Variants in KIF21A observed in about 807,000 individuals in gnomAD.
The protein encoded by KIF21A is kinesin family member 21A.
A neutral mutation model predicts 202.9 loss-of-function variants in KIF21A; 114 were observed. The ratio of observed to expected loss-of-function variants is 0.56; its 90% CI spans 0.48 to 0.66. KIF21A has a LOEUF of 0.66. Among genes scored for constraint, KIF21A ranks in the 30% least tolerant of loss-of-function variants. KIF21A has a pLI of 0.00. For synonymous variants in KIF21A, 667 were observed against 670.8 expected (o/e 0.99, Z 0.09); for missense variants, 1,677 against 1,994.9 (o/e 0.84, Z 3.04).
chr12:39,441,660 T>TAAAAAAAAAAAAAAAAAAAAAAAAAA lies in KIF21A; in HGVS notation c.44+1266_44+1267insTTTTTTTTTTTTTTTTTTTTTTTTTT, dbSNP rs56245570. ...ATAAAACTGTCACCTCCCTGGGTGG[T>TAAAAAAAAAAAAAAAAAAAAAAAAAA]AAAAAAAAAAAAAAAAAAAACACTT... is the stretch of plus-strand genomic sequence containing the variant. On this transcript the variant is annotated intron_variant, in intron 1 of 37. Transcript: ENST00000361418. 2.0e-3 allele frequency among the ~76,000 whole-genome samples: 75 copies of TAAAAAAAAAAAAAAAAAAAAAAAAAA among 37,758 alleles called. 12 individuals carry two copies. Among genetic ancestry groups the TAAAAAAAAAAAAAAAAAAAAAAAAAA allele is most frequent in the Non-Finnish European group, 2.7e-3 (48 of 17,840 alleles). 24.8% of individuals were successfully genotyped at this position (37,758 alleles called of 152,430 possible). A position where few individuals can be genotyped will look rare whatever the true frequency, so the allele number is the denominator to read the frequency against.
intron 11 of KIF21A, among the ~76,000 whole-genome samples, chr12:39,348,033 T>C (rs1428359739): frequency 6.6e-6 from 1 of 152,058 alleles, no homozygotes. Context: ...ATTTTCAATA[T>C]AGAGACTTTT....
In KIF21A at chr12:39,293,529, C is replaced by T. The variant is rs1942033259; in HGVS notation, c.*895G>A. 6.6e-6 allele frequency: 1 copy of T among 152,472 alleles called. No homozygotes were observed. 9.4% of individuals were successfully genotyped at this position (152,472 alleles called of 1,614,324 possible). Reference sequence around the variant, plus strand: ...CAGATGATAATAGCTCTCATCATAGCTACCAAGGTTCGCAAACATAGTATA... The same window carrying T: ...CAGATGATAATAGCTCTCATCATAGTTACCAAGGTTCGCAAACATAGTATA... On this transcript the variant is annotated 3_prime_UTR_variant, in exon 38 of 38. Coordinates refer to ENST00000361418, the MANE Select transcript of KIF21A (RefSeq NM_001173464.2).
At chr12:39,369,372 A>G (rs894316360) in intron 3 of KIF21A, among the ~76,000 whole-genome samples, 1 of 152,152 alleles carries the variant, frequency 6.6e-6, no homozygotes, top group Non-Finnish European at 1.5e-5. Context: ...AGGCACAAGA[A>G]TCACTTGAAC....
Position 39,396,126 on chromosome 12 carries a change from A to T in KIF21A, c.45-25865T>A, listed in dbSNP as rs111519640. On this transcript the variant is annotated intron_variant, in intron 1 of 37. Coordinates refer to ENST00000361418, the MANE Select transcript of KIF21A (RefSeq NM_001173464.2). ...ACCTCCGGACCAGTGATTACCTAAG[A>T]TAGCCATCAGAACAAGGCACAGAGA... 6.6e-3 allele frequency among the ~76,000 whole-genome samples: 1,000 copies of T among 152,280 alleles called. 12 individuals carry two copies. The highest frequency in any genetic ancestry group is 0.023 in the African/African-American group (956 of 41,546).
At chr12:39,325,498 A>ATTTTTTTTTTTTT (rs397714587) in intron 26 of KIF21A, among the ~76,000 whole-genome samples, 3 of 121,472 alleles carry the variant, frequency 2.5e-5, no homozygotes, top group African/African-American at 3.5e-5. Context: ...CGCCCAGCTA[A>ATTTTTTTTTTTTT]TTTTTTTTTT....
At chr12:39,319,149 G>C (rs1944923254) in intron 28 of KIF21A, among the ~76,000 whole-genome samples, 1 of 152,102 alleles carries the variant, frequency 6.6e-6, no homozygotes, top group African/African-American at 2.4e-5. Flanking sequence ...TTATTTTTAT[G>C]TCAAAGAAAT....
At position 39,443,104 on chromosome 12, in the gene KIF21A, A is replaced by AG; in HGVS notation, c.-135dup. On this transcript the variant is annotated 5_prime_UTR_variant, in exon 1 of 38. The change abolishes the stop of an existing upstream ORF in the 5' untranslated region. Coordinates refer to ENST00000361418, the MANE Select transcript of KIF21A (RefSeq NM_001173464.2). ...GGCCGGCTCACCTCCGCCGCGCTCC[A>AG]GCCATGTTGGGCGACTGAATGGAAA... 1 of 865,172 alleles carries AG rather than the reference A, an allele frequency of 1.2e-6. No individual in the cohort carries two copies. Among genetic ancestry groups the AG allele is most frequent in the Non-Finnish European group, 1.6e-6 (1 of 614,706 alleles). 53.6% of individuals were successfully genotyped at this position (865,172 alleles called of 1,614,324 possible).
Position 39,367,995 on chromosome 12 carries a change from G to A in KIF21A, c.488C>T (p.Thr163Ile). The A allele has an allele frequency of 6.3e-7, 1 of 1,598,710 alleles. No individual in the cohort carries two copies. Among genetic ancestry groups the A allele is most frequent in the Non-Finnish European group, 8.6e-7 (1 of 1,167,098 alleles). The change falls in exon 4 of 38, where the codon ACT (threonine) becomes ATT (isoleucine). Residue 163 changes from threonine (T) to isoleucine (I), a missense_variant. Around this residue, in one of 3 missense-constraint regions of KIF21A, gnomAD observed 966 missense variants for 1,180.9 expected, o/e 0.82. Coordinates refer to ENST00000361418, the MANE Select transcript of KIF21A (RefSeq NM_001173464.2). ...NEEVLDLFDT[T>I]RDIDAKSKKS... is the part of the protein sequence containing the mutation. The stretch of plus-strand genomic sequence containing the variant: ...TTTACTTTTTGCATCAATATCACGA[G>A]TGGTATCAAATAAGTCAAGGACCTC...
chr12:39,403,815 C>T (rs191807682), intron 1 of KIF21A, among the ~76,000 whole-genome samples: 3 of 152,268 alleles, frequency 2.0e-5, no homozygotes, highest in Admixed American at 1.3e-4. Context: ...GAAACAATCT[C>T]AGCTTAGTAG....
chr12:39,438,791 AAAACATTTCAAAGTTATC>A (rs1459848290), intron 1 of KIF21A, among the ~76,000 whole-genome samples: 1 of 152,200 alleles, frequency 6.6e-6, no homozygotes, highest in East Asian at 1.9e-4. Flanking sequence ...TTGGAAAGGA[AAAACATTTCAAAGTTATC>A]GTGTCAGAAG....
intron 10 of KIF21A, among the ~76,000 whole-genome samples, chr12:39,356,066 CT>C (rs1948755329): frequency 6.6e-6 from 1 of 152,190 alleles, no homozygotes; most frequent in Non-Finnish European, 1.5e-5. Context: ...CCCCATGGAG[CT>C]GACTGGGGTT....
chr12:39,374,812 A>G (rs1400915789), intron 1 of KIF21A, among the ~76,000 whole-genome samples: 3 of 152,184 alleles, frequency 2.0e-5, no homozygotes, highest in Non-Finnish European at 4.4e-5. Flanking sequence ...TACTAATTCC[A>G]AGTTTAAATT....
chr12:39,363,296 A>C, intron 6 of KIF21A, 83 bp from the exon 7 acceptor site: 1 of 786,088 alleles, frequency 1.3e-6, no homozygotes, highest in Non-Finnish European at 2.2e-6. Flanking sequence ...TTTACAGAGA[A>C]TAATATAGAG....
At chr12:39,384,126 T>C (rs1950791881) in intron 1 of KIF21A, among the ~76,000 whole-genome samples, 2 of 152,090 alleles carry the variant, frequency 1.3e-5, no homozygotes, top group Admixed American at 6.5e-5. Flanking sequence ...AGAGGACTCT[T>C]GAATAGGTGG....
chr12:39,418,221 C>CT (rs1247398921), intron 1 of KIF21A, among the ~76,000 whole-genome samples: 1 of 151,404 alleles, frequency 6.6e-6, no homozygotes, highest in African/African-American at 2.4e-5. Flanking sequence ...CAAAGAGTAG[C>CT]TATAGACAGA....
At chr12:39,378,003 A>G (rs1357970657) in intron 1 of KIF21A, among the ~76,000 whole-genome samples, 2 of 152,216 alleles carry the variant, frequency 1.3e-5, no homozygotes, top group Admixed American at 6.5e-5. Flanking sequence ...ATAAACATAT[A>G]TATTTTCAAT....
At chr12:39,411,708 A>AT (rs1160678333) in intron 1 of KIF21A, among the ~76,000 whole-genome samples, 7 of 151,086 alleles carry the variant, frequency 4.6e-5, no homozygotes, top group Non-Finnish European at 1.0e-4. Context: ...TATGTATTTT[A>AT]TTTTTATTTT....
intron 17 of KIF21A, 75 bp downstream of exon 17, chr12:39,337,021 T>C (rs972833797): frequency 3.1e-6 from 3 of 957,082 alleles, no homozygotes; most frequent in South Asian, 1.3e-5. Context: ...TTACCAGAAA[T>C]TTTTCCTCCA....
intron 6 of KIF21A, 95 bp from the exon 7 acceptor site, chr12:39,363,308 C>T (rs1176655786): frequency 5.6e-6 from 4 of 714,724 alleles, no homozygotes; most frequent in African/African-American, 1.8e-5. Context: ...AATATAGAGA[C>T]ATAATATAAT....
Sources: allele counts gnomAD v4.1 joint callset (sites outside exome capture counted in the v4.1 genomes callset), GRCh38; gene constraint gnomAD v4.1.1; regional missense constraint gnomAD v4.1.1; transcripts MANE v1.5; gene names NCBI Gene and HGNC (gene_info 2026-07-23, HGNC 2026-07-21).